The following KCNN2 variants were observed in gnomAD, a reference collection of about 807,000 sequenced individuals.
KCNN2 encodes the protein small conductance calcium-activated potassium channel protein 2.
Under a neutral mutation model 55.5 loss-of-function variants are expected in KCNN2, and 24 were observed. The ratio of observed to expected loss-of-function variants is 0.43; its 90% CI spans 0.31 to 0.61. The LOEUF is 0.61. Among genes scored for constraint, KCNN2 ranks in the 20% least tolerant of loss-of-function variants. The probability of loss-of-function intolerance (pLI) is 0.08; values close to 1 mark genes in which losing one functional copy is unlikely to be tolerated. For synonymous variants in KCNN2, 431 were observed against 336.1 expected, an observed-to-expected ratio of 1.28 and a Z score of -3.09; for missense variants, 754 against 853.6, an observed-to-expected ratio of 0.88 and a Z score of 1.45.
chr5:114,409,553 G>GT (rs1580801945), intron 3 of KCNN2, among the ~76,000 whole-genome samples: 1 of 152,080 alleles, frequency 6.6e-6, no homozygotes, highest in East Asian at 1.9e-4. Flanking sequence ...TCCTCTCCAT[G>GT]TAAAAAGGGG....
intron 5 of KCNN2, among the ~76,000 whole-genome samples, chr5:114,473,791 T>A (rs1045640125): frequency 3.3e-5 from 5 of 152,184 alleles, no homozygotes; most frequent in Admixed American, 3.3e-4. Flanking sequence ...ACTCACTTCA[T>A]CCTCATAACA....
chr5:114,120,915 G>C (rs1246094887), intron 1 of KCNN2, among the ~76,000 whole-genome samples: 1 of 152,210 alleles, frequency 6.6e-6, no homozygotes, highest in African/African-American at 2.4e-5. Context: ...AAAAATATGA[G>C]CTGCTGTGTC....
chr5:114,145,231 A>T (rs562883189), intron 1 of KCNN2, among the ~76,000 whole-genome samples: 1 of 152,322 alleles, frequency 6.6e-6, no homozygotes, highest in South Asian at 2.1e-4. Flanking sequence ...AATGTTGACA[A>T]TCTGTGACCC....
chr5:114,222,850 A>G lies in KCNN2; in HGVS notation c.-185+1285A>G, dbSNP rs1255075274. Among the ~76,000 whole-genome samples, 3 of 152,140 alleles carry G rather than the reference A, an allele frequency of 2.0e-5. No individual in the cohort carries two copies. In the East Asian group the frequency reaches 5.8e-4, roughly 29 times the overall value. On this transcript the variant is annotated intron_variant, in intron 2 of 10. Transcript: ENST00000512097. ...TCTGTGTATGCTGTGTTACCTTTTC[A>G]TCTGCAGTCTTTGATTATTGAAACT...
chr5:114,168,042 A>G (rs1752952209), intron 1 of KCNN2, among the ~76,000 whole-genome samples: 1 of 152,044 alleles, frequency 6.6e-6, no homozygotes, highest in South Asian at 2.1e-4. Flanking sequence ...ATACCATTGT[A>G]TAGCTAGTTT....
chr5:114,156,062 A>C (rs11740886), intron 1 of KCNN2, among the ~76,000 whole-genome samples: 44,784 of 151,956 alleles, frequency 0.29, 7,488 homozygotes, highest in Non-Finnish European at 0.38. Flanking sequence ...TTTGTATATG[A>C]TGTAAGGAAG....
intron 1 of KCNN2, among the ~76,000 whole-genome samples, chr5:114,117,450 G>C (rs2954352): frequency 0.071 from 10,769 of 152,174 alleles, 1,258 homozygotes; most frequent in African/African-American, 0.24. Context: ...GGGCCACCTG[G>C]GAGTAGTCAG....
intron 1 of KCNN2, among the ~76,000 whole-genome samples, chr5:114,139,813 T>C (rs1028017324): frequency 2.0e-5 from 3 of 151,898 alleles, no homozygotes; most frequent in Admixed American, 2.0e-4. Context: ...TTAGTTCATA[T>C]AGATGTTTGT....
intron 3 of KCNN2, among the ~76,000 whole-genome samples, chr5:114,450,929 A>G (rs1284003173): frequency 6.6e-6 from 1 of 152,264 alleles, no homozygotes; most frequent in Non-Finnish European, 1.5e-5. Flanking sequence ...AAATAAGGAC[A>G]TAAAATAGTT....
chr5:114,165,391 T>C (rs1389903027), intron 1 of KCNN2, among the ~76,000 whole-genome samples: 3 of 152,220 alleles, frequency 2.0e-5, no homozygotes, highest in African/African-American at 7.2e-5. Context: ...CTTATGATTT[T>C]CGTTTTTTCA....
chr5:114,075,431 GA>G (rs1324522454), intron 1 of KCNN2, among the ~76,000 whole-genome samples: 1 of 152,140 alleles, frequency 6.6e-6, no homozygotes, highest in African/African-American at 2.4e-5. Context: ...TCTTTGATCT[GA>G]AGACTCACAA....
chr5:114,128,681 G>T (rs960224981), intron 1 of KCNN2, among the ~76,000 whole-genome samples: 1 of 152,042 alleles, frequency 6.6e-6, no homozygotes, highest in Non-Finnish European at 1.5e-5. Flanking sequence ...GCTATGTTTA[G>T]GGTCTGCCTG....
chr5:114,255,595 TTATAGG>T (rs1194305926), intron 2 of KCNN2, among the ~76,000 whole-genome samples: 5 of 152,116 alleles, frequency 3.3e-5, no homozygotes, highest in Non-Finnish European at 7.4e-5. Flanking sequence ...GAATTTTATC[TTATAGG>T]TAGAGAGGAA....
chr5:114,486,721 C>CA (rs1474897615), intron 5 of KCNN2: 1 of 1,287,838 alleles, frequency 7.8e-7, no homozygotes. Context: ...ATGGAGACAA[C>CA]AATTGCAATA....
At chr5:114,083,634 T>C (rs182857786) in intron 1 of KCNN2, among the ~76,000 whole-genome samples, 21 of 152,266 alleles carry the variant, frequency 1.4e-4, no homozygotes, top group Admixed American at 1.3e-3. Flanking sequence ...TTCTCTGTTA[T>C]TAACATCTTG....
chr5:114,452,525 T>C (rs985499531), intron 3 of KCNN2, among the ~76,000 whole-genome samples: 1 of 152,232 alleles, frequency 6.6e-6, no homozygotes, highest in African/African-American at 2.4e-5. Flanking sequence ...AAAGTTTCTT[T>C]ACATGTAGAT....
chr5:114,162,704 G>A (rs1752814762), intron 1 of KCNN2, among the ~76,000 whole-genome samples: 1 of 152,138 alleles, frequency 6.6e-6, no homozygotes, highest in Non-Finnish European at 1.5e-5. Flanking sequence ...AGCAATGGCA[G>A]GCACCCCTCC....
At chr5:114,418,899 A>G (rs540950091) in intron 3 of KCNN2, among the ~76,000 whole-genome samples, 2 of 152,230 alleles carry the variant, frequency 1.3e-5, no homozygotes, top group Non-Finnish European at 2.9e-5. Context: ...CTCTGGGGAA[A>G]AAAAGGATCA....
intron 2 of KCNN2, among the ~76,000 whole-genome samples, chr5:114,298,855 A>G (rs867445292): frequency 7.9e-5 from 12 of 152,136 alleles, no homozygotes. Context: ...GCTTCACTTC[A>G]GATATAGTGT....
Sources: gnomAD v4.1 joint callset for allele counts (sites outside exome capture counted in the v4.1 genomes callset) on GRCh38, gnomAD v4.1.1 for gene constraint, MANE v1.5 for transcripts, NCBI Gene and HGNC (gene_info 2026-07-23, HGNC 2026-07-21) for gene names.